Variants in AK5 observed in about 807,000 individuals in gnomAD.
AK5 encodes the protein adenylate kinase isoenzyme 5.
A neutral mutation model predicts 69.5 loss-of-function variants in AK5; 27 were observed. The ratio of observed to expected loss-of-function variants is 0.39; its 90% CI spans 0.29 to 0.54. The LOEUF is 0.54. Among genes scored for constraint, AK5 ranks in the 20% least tolerant of loss-of-function variants. The pLI is 0.71. For missense variants in AK5, 531 were observed against 700.4 expected, an observed-to-expected ratio of 0.76 and a Z score of 2.73; for synonymous variants, 260 against 244.4, an observed-to-expected ratio of 1.06 and a Z score of -0.60.
intron 8 of AK5, among the ~76,000 whole-genome samples, chr1:77,464,082 T>C (rs1654000046): frequency 7.3e-6 from 1 of 136,830 alleles, no homozygotes; most frequent in African/African-American, 3.1e-5. Flanking sequence ...CAGAGTATTG[T>C]TGTAGCACTT....
intron 10 of AK5, among the ~76,000 whole-genome samples, chr1:77,508,279 A>C (rs1461021005): frequency 2.0e-5 from 3 of 152,162 alleles, no homozygotes; most frequent in African/African-American, 7.2e-5. Flanking sequence ...TAAATTGCAG[A>C]TGTCTGTACA....
At chr1:77,511,041 G>T (rs944352195) in intron 10 of AK5, among the ~76,000 whole-genome samples, 2 of 149,558 alleles carry the variant, frequency 1.3e-5, no homozygotes, top group Admixed American at 6.7e-5. Flanking sequence ...TATTTTACGG[G>T]GCCAAAGCAG....
intron 6 of AK5, among the ~76,000 whole-genome samples, chr1:77,376,446 AAAAAC>A (rs145321308): frequency 0.31 from 23,276 of 74,250 alleles, 3,482 homozygotes; most frequent in East Asian, 0.51. Flanking sequence ...AAAAAAAAAA[AAAAAC>A]AAAAAAAAAA....
intron 6 of AK5, among the ~76,000 whole-genome samples, chr1:77,385,372 G>T (rs190420871): frequency 5.8e-4 from 89 of 152,172 alleles, no homozygotes; most frequent in Admixed American, 2.4e-3. Flanking sequence ...TGCTGGCCAG[G>T]ATGGTCTCGA....
At chr1:77,537,889 G>A (rs1659056624) in intron 13 of AK5, among the ~76,000 whole-genome samples, 1 of 152,142 alleles carries the variant, frequency 6.6e-6, no homozygotes, top group African/African-American at 2.4e-5. Context: ...TCCCAGCACT[G>A]TTTCTCAGTC....
intron 9 of AK5, 127 bp downstream of exon 9, chr1:77,483,486 G>T: frequency 1.3e-6 from 1 of 780,692 alleles, no homozygotes. Context: ...CAGGGAGCAT[G>T]ATTAAGAGTA....
chr1:77,301,737 G>T (rs1181014980), intron 5 of AK5, among the ~76,000 whole-genome samples: 4 of 152,116 alleles, frequency 2.6e-5, no homozygotes, highest in Non-Finnish European at 5.9e-5. Context: ...CACTAATAAA[G>T]AGTGGAGGAG....
At chr1:77,360,828 T>A (rs1195886361) in intron 6 of AK5, among the ~76,000 whole-genome samples, 1 of 152,176 alleles carries the variant, frequency 6.6e-6, no homozygotes, top group Admixed American at 6.5e-5. Context: ...TCAACGAATA[T>A]GTGTTATTCT....
intron 8 of AK5, among the ~76,000 whole-genome samples, chr1:77,421,446 C>A (rs1650806359): frequency 6.6e-6 from 1 of 152,196 alleles, no homozygotes; most frequent in Admixed American, 6.5e-5. Context: ...ATTAATAAAA[C>A]TCAAAATCTG....
intron 13 of AK5, among the ~76,000 whole-genome samples, chr1:77,547,478 T>C (rs1453945256): frequency 6.6e-6 from 1 of 152,130 alleles, no homozygotes; most frequent in Non-Finnish European, 1.5e-5. Flanking sequence ...TTCGCCATGT[T>C]GGCCATGATG....
intron 2 of AK5, among the ~76,000 whole-genome samples, chr1:77,290,412 T>C (rs571129808): frequency 6.6e-6 from 1 of 152,360 alleles, no homozygotes; most frequent in East Asian, 1.9e-4. Flanking sequence ...GTTAATGTGT[T>C]ATTACTATGA....
chr1:77,415,872 G>T (rs1013715120), intron 7 of AK5, among the ~76,000 whole-genome samples: 1 of 152,166 alleles, frequency 6.6e-6, no homozygotes, highest in Admixed American at 6.6e-5. Context: ...CTTTCTACAT[G>T]ACCTAGGCCA....
intron 5 of AK5, among the ~76,000 whole-genome samples, chr1:77,316,765 G>C (rs1289724290): frequency 6.6e-6 from 1 of 152,148 alleles, no homozygotes; most frequent in Non-Finnish European, 1.5e-5. Flanking sequence ...TTGATAATAT[G>C]TTAGTAGAAG....
chr1:77,505,106 A>G (rs578077032), intron 10 of AK5, among the ~76,000 whole-genome samples: 1 of 152,300 alleles, frequency 6.6e-6, no homozygotes, highest in East Asian at 1.9e-4. Context: ...TCCCATCACA[A>G]TGTGTAAGAC....
At chr1:77,519,533 G>A (rs1029797769) in intron 11 of AK5, among the ~76,000 whole-genome samples, 1 of 152,198 alleles carries the variant, frequency 6.6e-6, no homozygotes, top group Non-Finnish European at 1.5e-5. Flanking sequence ...AAAGAATTCA[G>A]GGCAAGTTGT....
intron 5 of AK5, among the ~76,000 whole-genome samples, chr1:77,304,824 A>T (rs1285329971): frequency 6.6e-6 from 1 of 152,234 alleles, no homozygotes; most frequent in Non-Finnish European, 1.5e-5. Context: ...TCTTCGATAT[A>T]CTGATTTCCT....
chr1:77,330,545 C>T (rs1441497881), intron 5 of AK5, among the ~76,000 whole-genome samples: 1 of 152,198 alleles, frequency 6.6e-6, no homozygotes, highest in Admixed American at 6.5e-5. Flanking sequence ...ATAAATCAGA[C>T]TCCCATATAT....
intron 6 of AK5, among the ~76,000 whole-genome samples, chr1:77,391,027 G>C (rs958363782): frequency 2.0e-5 from 3 of 152,164 alleles, no homozygotes; most frequent in Admixed American, 6.6e-5. Flanking sequence ...CTTTGTCTTG[G>C]GTTAGATCTC....
chr1:77,446,198 A>T (rs1652741692), intron 8 of AK5, among the ~76,000 whole-genome samples: 1 of 152,002 alleles, frequency 6.6e-6, no homozygotes. Context: ...TCCTTTCCCC[A>T]TTGTGTCTTT....
Sources: allele counts gnomAD v4.1 joint callset (sites outside exome capture counted in the v4.1 genomes callset), GRCh38; gene constraint gnomAD v4.1.1; transcripts MANE v1.5; gene names NCBI Gene and HGNC (gene_info 2026-07-23, HGNC 2026-07-21).